Variants in HTATSF1 observed in about 807,000 individuals in gnomAD.
HTATSF1 encodes 17S U2 SnRNP complex component HTATSF1.
Under a neutral mutation model 46.1 loss-of-function variants are expected in HTATSF1, and 6 were observed. The observed-to-expected ratio is 0.13, with a 90% CI of 0.07 to 0.26. The LOEUF is 0.26. Ranked by LOEUF, HTATSF1 falls within the 10% of genes least tolerant of loss-of-function variation. HTATSF1 has a pLI of 1.00. For synonymous variants in HTATSF1, 226 were observed against 211.5 expected (o/e 1.07, Z -0.60); for missense variants, 452 against 559.9 (o/e 0.81, Z 1.94).
intron 6 of HTATSF1, among the ~76,000 whole-genome samples, chrX:136,505,571 C>T: frequency 8.9e-6 from 1 of 112,112 alleles, no homozygotes; most frequent in Middle Eastern, 4.6e-3. Context: ...AACACGTGCA[C>T]ACCAGATGCA....
intron 6 of HTATSF1, among the ~76,000 whole-genome samples, chrX:136,506,287 A>AT (rs887048957): frequency 1.1e-3 from 115 of 109,018 alleles, no homozygotes; most frequent in Non-Finnish European, 1.8e-3. Flanking sequence ...CAAATTCCTG[A>AT]TTTTTTTTTT....
chrX:136,510,973 A>C lies in HTATSF1; in HGVS notation c.1228A>C (p.Lys410Gln), dbSNP rs927676233. 3.3e-6 allele frequency: 4 copies of C among 1,209,974 alleles called. No homozygotes were observed. Among genetic ancestry groups the C allele is most frequent in the Non-Finnish European group, 4.5e-6 (4 of 895,132 alleles). ...RHFSEHPSTS[K>Q]MNAQETATGM... ...TTTTTCAGAGCACCCCAGCACATCT[A>C]AAATGAATGCTCAAGAAACTGCAAC... Residue 410 changes from lysine to glutamine, a missense_variant, in exon 9 of 9, where the codon AAA (lysine) becomes CAA (glutamine). Physicochemically the swap from Lys to Gln is moderately conservative, Grantham distance 53. Coordinates refer to ENST00000218364, the MANE Select transcript of HTATSF1 (RefSeq NM_014500.5).
At chrX:136,500,098 A>C in intron 2 of HTATSF1, 60 bp from the exon 3 acceptor site, 1 of 762,228 alleles carries the variant, frequency 1.3e-6, no homozygotes, top group Non-Finnish European at 2.0e-6. Flanking sequence ...AAGATTCCAT[A>C]ATATGACTCT....
At chrX:136,499,481 A>G (rs1350007050) in intron 1 of HTATSF1, 117 bp from the exon 2 acceptor site, 2 of 526,389 alleles carry the variant, frequency 3.8e-6, no homozygotes, top group African/African-American at 2.4e-5. Context: ...ACTATTATCC[A>G]CAGAAACACT....
At chrX:136,500,234 G>A (rs1408905098) in intron 3 of HTATSF1, 29 bp downstream of exon 3, 1 of 912,096 alleles carries the variant, frequency 1.1e-6, no homozygotes, top group Non-Finnish European at 1.6e-6. Context: ...ACAGGTTTAA[G>A]GTAGGAAATA....
At chrX:136,507,678 G>GT (rs1273621244) in intron 6 of HTATSF1, among the ~76,000 whole-genome samples, 188 of 107,935 alleles carry the variant, frequency 1.7e-3, no homozygotes, top group Non-Finnish European at 2.4e-3. Flanking sequence ...TGTTGACACA[G>GT]TTTTTTTTTT....
chrX:136,512,339 A>G lies in HTATSF1; in HGVS notation c.*326A>G, dbSNP rs990370731. The G allele has an allele frequency of 4.8e-5, 8 of 165,387 alleles. No individual in the cohort carries two copies. The highest frequency in any genetic ancestry group is 2.3e-4 in the African/African-American group (7 of 30,245). The allele number at this position is 165,387 out of a possible 1,213,427, so 13.6% of individuals were successfully genotyped here. ...AAAAATGAGTTGATAATATGCAGAA[A>G]CTGAAAATTGGACTTGAGTTAAATT... On this transcript the variant is annotated 3_prime_UTR_variant, in exon 9 of 9. Transcript: ENST00000218364.
intron 5 of HTATSF1, among the ~76,000 whole-genome samples, 195 bp from the exon 6 acceptor site, chrX:136,504,169 C>G (rs1327938756): frequency 8.9e-6 from 1 of 112,382 alleles, no homozygotes; most frequent in Admixed American, 9.4e-5. Context: ...CCGCACACGG[C>G]CCCCTGCCCA....
At chrX:136,498,360 A>G (rs1286402534) in intron 1 of HTATSF1, among the ~76,000 whole-genome samples, 2 of 112,486 alleles carry the variant, frequency 1.8e-5, no homozygotes, top group Admixed American at 9.3e-5. Context: ...CTAGGCATAT[A>G]TGTTTGAACC....
chrX:136,502,596 G>C (rs1323226276), intron 4 of HTATSF1, among the ~76,000 whole-genome samples, 182 bp from the exon 5 acceptor site: 2 of 111,190 alleles, frequency 1.8e-5, no homozygotes, highest in East Asian at 5.6e-4. Flanking sequence ...TGTCTCAGAT[G>C]CGGGTTTCCT....
chrX:136,498,184 C>T (rs977812051), intron 1 of HTATSF1, among the ~76,000 whole-genome samples: 1 of 112,479 alleles, frequency 8.9e-6, no homozygotes, highest in Non-Finnish European at 1.9e-5. Context: ...TAGTAGCTGT[C>T]CATTTCTGGT....
At chrX:136,500,516 C>T (rs1223524977) in intron 3 of HTATSF1, 148 bp from the exon 4 acceptor site, 3 of 433,132 alleles carry the variant, frequency 6.9e-6, no homozygotes, top group East Asian at 8.5e-5. Context: ...TGTGAAATTT[C>T]TTCAGTTCCG....
chrX:136,512,190 TTTAG>T lies in HTATSF1; in HGVS notation c.*181_*184del. 1 of 412,630 alleles carries T rather than the reference TTTAG, an allele frequency of 2.4e-6. No individual in the cohort carries two copies. The highest frequency in any genetic ancestry group is 3.9e-6 in the Non-Finnish European group (1 of 259,445). The allele number at this position is 412,630 out of a possible 1,213,427, so 34.0% of individuals were successfully genotyped here. A position where few individuals can be genotyped will look rare whatever the true frequency, so the allele number is the denominator to read the frequency against. ...GTTTTAAATATATGTTAATTGATTG[TTTAG>T]TTAAAATGTCATAGTTACAATGCAA... On this transcript the variant is annotated 3_prime_UTR_variant, in exon 9 of 9. Coordinates refer to ENST00000218364, the MANE Select transcript of HTATSF1 (RefSeq NM_014500.5).
intron 4 of HTATSF1, 22 bp downstream of exon 4, chrX:136,500,840 G>C (rs1372945344): frequency 9.6e-7 from 1 of 1,041,541 alleles, no homozygotes; most frequent in Non-Finnish European, 1.3e-6. Context: ...GATCAAATAA[G>C]TTTCTTGTAT....
At chrX:136,507,273 A>G (rs2075746323) in intron 6 of HTATSF1, among the ~76,000 whole-genome samples, 1 of 112,248 alleles carries the variant, frequency 8.9e-6, no homozygotes, top group African/African-American at 3.2e-5. Context: ...AACATACCTA[A>G]GAATACTGTC....
At position 136,500,607 on chromosome X, in the gene HTATSF1, A is replaced by G. The variant is rs2075713804; in HGVS notation, c.416-57A>G. The stretch of plus-strand genomic sequence containing the variant: ...ATAGATTTCTAATTGGTAGAATGCT[A>G]AGTAATTCACCTTCATTATCAATTA... On this transcript the variant is annotated intron_variant, in intron 3 of 8. Transcript: ENST00000218364. The G allele has an allele frequency of 6.4e-6, 5 of 776,248 alleles. No homozygotes were observed. The East Asian group carries it at 1.8e-4, about 28-fold the overall frequency. 64.0% of individuals were successfully genotyped at this position (776,248 alleles called of 1,213,427 possible).
At chrX:136,507,589 A>C (rs1685580230) in intron 6 of HTATSF1, among the ~76,000 whole-genome samples, 3 of 110,132 alleles carry the variant, frequency 2.7e-5, no homozygotes, top group Non-Finnish European at 5.7e-5. Flanking sequence ...AAAGCAAAGC[A>C]CTGAGACATT....
At chrX:136,499,883 G>T (rs1015147571) in intron 2 of HTATSF1, 105 bp downstream of exon 2, 6 of 640,841 alleles carry the variant, frequency 9.4e-6, no homozygotes, top group Non-Finnish European at 1.1e-5. Flanking sequence ...AAGGAATAAG[G>T]TGAGTTTTTT....
In HTATSF1 at chrX:136,499,720, A is replaced by G; in HGVS notation, c.309A>G (p.Glu103=). 1 of 1,201,108 alleles carries G rather than the reference A, an allele frequency of 8.3e-7. No homozygotes were observed. The highest frequency in any genetic ancestry group is 1.8e-5 in the South Asian group (1 of 54,493). Residue 103 remains glutamate (E), a synonymous_variant, in exon 2 of 9, where the codon GAA becomes GAG. Transcript: ENST00000218364. ...GGACTGCAGAGGAACCTCCACAAGA[A>G]AAAGCCCCGGAACCCACTGATGCCA... ...HARTAEEPPQ[E]KAPEPTDARK...
Sources: gnomAD v4.1 joint callset for allele counts (sites outside exome capture counted in the v4.1 genomes callset) on GRCh38, gnomAD v4.1.1 for gene constraint, MANE v1.5 for transcripts, NCBI Gene and HGNC (gene_info 2026-07-23, HGNC 2026-07-21) for gene names.